ACSL4: variants seen among roughly 807,000 people sequenced by gnomAD.
ACSL4 encodes the protein acyl-CoA synthetase long chain family member 4.
Under a neutral mutation model 49.1 loss-of-function variants are expected in ACSL4, and 9 were observed. The ratio of observed to expected loss-of-function variants is 0.18; its 90% CI spans 0.11 to 0.32. The LOEUF (loss-of-function observed/expected upper bound fraction) is 0.32, where lower values mean the gene tolerates loss of function less well. ACSL4 is among the 10% of genes least tolerant of loss of function. The pLI, the probability that ACSL4 is intolerant of heterozygous loss-of-function variation, is 1.00. For missense variants in ACSL4, 333 were observed against 493.7 expected (o/e 0.67, Z 3.08); for synonymous variants, 191 against 170.3 (o/e 1.12, Z -0.95).
intron 6 of ACSL4, among the ~76,000 whole-genome samples, chrX:109,679,111 A>G (rs1923965212): frequency 8.9e-6 from 1 of 111,824 alleles, no homozygotes; most frequent in Non-Finnish European, 1.9e-5. Flanking sequence ...TTATTTCTGA[A>G]CCCCCTTTCT....
chrX:109,731,088 G>T (rs1928407584), intron 1 of ACSL4, among the ~76,000 whole-genome samples: 1 of 111,613 alleles, frequency 9.0e-6, no homozygotes, highest in Non-Finnish European at 1.9e-5. Flanking sequence ...TGAGTTTATA[G>T]ATTTTCACAT....
chrX:109,671,394 C>T (rs1342587751), intron 9 of ACSL4, among the ~76,000 whole-genome samples: 10 of 110,995 alleles, frequency 9.0e-5, no homozygotes, highest in African/African-American at 2.6e-4. Flanking sequence ...CCCGGCCAGC[C>T]GCCCCGCCCG....
intron 1 of ACSL4, among the ~76,000 whole-genome samples, chrX:109,707,379 T>C (rs6568270): frequency 0.018 from 2,059 of 112,409 alleles, 33 homozygotes; most frequent in African/African-American, 0.062. Context: ...AAGTAGAAAT[T>C]AGTACATGCT....
At chrX:109,690,404 T>TC (rs1485132440) in intron 2 of ACSL4, among the ~76,000 whole-genome samples, 1 of 111,937 alleles carries the variant, frequency 8.9e-6, no homozygotes. Context: ...ACTTTACCAT[T>TC]CCATATGGGA....
In ACSL4 at chrX:109,681,403, TA is replaced by T. The variant is rs772907877; in HGVS notation, c.407-29del. On this transcript the variant is annotated intron_variant, in intron 4 of 15. Coordinates refer to ENST00000672401, the MANE Select transcript of ACSL4 (RefSeq NM_001318510.2). ...ACATAATAAAAATAAACACAAATAT[TA>T]AGTAATAAACATCTATTAGAAATGG... 91 of 1,016,442 alleles carry T rather than the reference TA, an allele frequency of 9.0e-5. No homozygotes were observed. In the East Asian group the frequency reaches 2.0e-3, roughly 23 times the overall value. The allele number at this position is 1,016,442 out of a possible 1,213,427, so 83.8% of individuals were successfully genotyped here.
At chrX:109,660,890 AG>A (rs202211088) in intron 14 of ACSL4, among the ~76,000 whole-genome samples, 1,925 of 111,276 alleles carry the variant, frequency 0.017, 30 homozygotes, top group African/African-American at 0.059. Flanking sequence ...TCAAATTCAT[AG>A]AAACAGAAAG....
chrX:109,719,064 C>T (rs891477953), intron 1 of ACSL4, among the ~76,000 whole-genome samples: 1 of 104,330 alleles, frequency 9.6e-6, no homozygotes, highest in African/African-American at 3.4e-5. Flanking sequence ...TATAAGGAAG[C>T]ACTTTATCCC....
intron 1 of ACSL4, among the ~76,000 whole-genome samples, chrX:109,713,218 G>A (rs1000583254): frequency 8.9e-6 from 1 of 111,899 alleles, no homozygotes; most frequent in Non-Finnish European, 1.9e-5. Flanking sequence ...TACAGATATG[G>A]AACCAGGATA....
chrX:109,685,332 G>A (rs1924526921), intron 2 of ACSL4: 1 of 110,651 alleles, frequency 9.0e-6, no homozygotes, highest in Non-Finnish European at 1.9e-5. Flanking sequence ...CTGGACTCAA[G>A]CTATCTGCCC....
At chrX:109,730,419 C>T (rs948883899) in intron 1 of ACSL4, among the ~76,000 whole-genome samples, 2 of 112,154 alleles carry the variant, frequency 1.8e-5, no homozygotes, top group African/African-American at 6.5e-5. Context: ...AGAATCATCT[C>T]TTCCTCCCCT....
intron 2 of ACSL4, among the ~76,000 whole-genome samples, chrX:109,688,180 C>G (rs1453241981): frequency 8.9e-6 from 1 of 112,063 alleles, no homozygotes; most frequent in African/African-American, 3.2e-5. Context: ...AAAACAGCAA[C>G]AATCCAAAGA....
At chrX:109,721,819 C>T (rs773985530) in intron 1 of ACSL4, among the ~76,000 whole-genome samples, 1 of 111,828 alleles carries the variant, frequency 8.9e-6, no homozygotes, top group East Asian at 2.8e-4. Flanking sequence ...ATAACTACCA[C>T]AAGAATCCAC....
At chrX:109,692,862 T>C (rs1324220334) in intron 2 of ACSL4, among the ~76,000 whole-genome samples, 1 of 112,538 alleles carries the variant, frequency 8.9e-6, no homozygotes, top group Non-Finnish European at 1.9e-5. Context: ...AATAAATGTG[T>C]TTTGTTCAAG....
chrX:109,660,508 T>C (rs1295904449), intron 14 of ACSL4, among the ~76,000 whole-genome samples: 7 of 112,024 alleles, frequency 6.2e-5, no homozygotes, highest in Non-Finnish European at 1.1e-4. Context: ...GCTGTTGCTA[T>C]GGAAAACAGT....
Position 109,730,924 on chromosome X carries a change from C to A in ACSL4, c.-66+2215G>T, listed in dbSNP as rs771216913. Among the ~76,000 whole-genome samples the A allele has an allele frequency of 4.5e-5, 5 of 111,709 alleles. No individual in the cohort carries two copies. The South Asian group carries it at 1.8e-3, about 41-fold the overall frequency. ...CTCATGATCCGCCGGCCTCGGCCTC[C>A]CAAAGTGCTAGGATTACAGGCGTGA... On this transcript the variant is annotated intron_variant, in intron 1 of 15. Coordinates refer to ENST00000672401, the MANE Select transcript of ACSL4 (RefSeq NM_001318510.2).
chrX:109,693,016 T>C (rs1267940034), intron 2 of ACSL4, among the ~76,000 whole-genome samples: 1 of 111,634 alleles, frequency 9.0e-6, no homozygotes, highest in Non-Finnish European at 1.9e-5. Flanking sequence ...GTAGTTCCCA[T>C]AGGAATAGAT....
chrX:109,727,975 T>C (rs953652567), intron 1 of ACSL4, among the ~76,000 whole-genome samples: 3 of 112,511 alleles, frequency 2.7e-5, no homozygotes, highest in Non-Finnish European at 5.6e-5. Flanking sequence ...CTTTTTCAAA[T>C]AACAATCTAC....
chrX:109,684,053 T>G (rs980597926), intron 2 of ACSL4, among the ~76,000 whole-genome samples: 4 of 110,444 alleles, frequency 3.6e-5, no homozygotes, highest in African/African-American at 1.3e-4. Context: ...AGATTTCTCT[T>G]AAACATGTGC....
chrX:109,717,035 G>C (rs1927168639), intron 1 of ACSL4, among the ~76,000 whole-genome samples: 1 of 111,939 alleles, frequency 8.9e-6, no homozygotes, highest in African/African-American at 3.2e-5. Context: ...TGAAGCATCT[G>C]CAACCAATAT....
Sources: allele counts gnomAD v4.1 joint callset (sites outside exome capture counted in the v4.1 genomes callset), GRCh38; gene constraint gnomAD v4.1.1; transcripts MANE v1.5; gene names NCBI Gene and HGNC (gene_info 2026-07-23, HGNC 2026-07-21).